Variants in MATK observed in about 807,000 individuals in gnomAD.
The protein encoded by MATK is megakaryocyte-associated tyrosine kinase, also known as megakaryocyte-associated tyrosine-protein kinase.
A neutral mutation model predicts 59.8 loss-of-function variants in MATK; 41 were observed. That is an observed-to-expected ratio of 0.69 (90% CI 0.53 to 0.89). The LOEUF is 0.89. Ranked by LOEUF, MATK falls within the 40% of genes least tolerant of loss-of-function variation. The pLI is 0.00. For synonymous variants in MATK, 308 were observed against 306.1 expected (o/e 1.01, Z -0.06); for missense variants, 593 against 719.6 (o/e 0.82, Z 2.01).
chr19:3,781,019 G>A (rs1383944744), intron 8 of MATK, among the ~76,000 whole-genome samples: 8 of 152,106 alleles, frequency 5.3e-5, no homozygotes, highest in Non-Finnish European at 8.8e-5. Flanking sequence ...ATGAGCCACC[G>A]TGCCTGGCTG....
intron 1 of MATK, among the ~76,000 whole-genome samples, chr19:3,794,842 T>A (rs2037577683): frequency 6.6e-6 from 1 of 152,016 alleles, no homozygotes; most frequent in African/African-American, 2.4e-5. Flanking sequence ...CTGGTCTCTG[T>A]CCCAACTACT....
chr19:3,796,122 T>C (rs913283915), intron 1 of MATK, among the ~76,000 whole-genome samples: 71 of 152,034 alleles, frequency 4.7e-4, no homozygotes, highest in African/African-American at 1.6e-3. Flanking sequence ...TCAAGAAGTG[T>C]TTAAAAAAAT....
At chr19:3,800,090 C>T (rs1448799804) in intron 1 of MATK, among the ~76,000 whole-genome samples, 2 of 146,798 alleles carry the variant, frequency 1.4e-5, no homozygotes, top group East Asian at 2.0e-4. Flanking sequence ...TGCAGTGAGC[C>T]GAGATTGTGC....
At position 3,778,396 on chromosome 19, in the gene MATK, C is replaced by T. The variant is rs368165835; in HGVS notation, c.1311G>A (p.Val437=). ...GGGGTTCCATGCGGTACCCCTTCTCCACGGCCTCCGACACCTCTTTCAGTG... is the reference window on the plus strand; with the variant it reads ...GGGGTTCCATGCGGTACCCCTTCTCTACGGCCTCCGACACCTCTTTCAGTG... ...KMSLKEVSEA[V]EKGYRMEPPE... The change falls in exon 14 of 14, where the codon GTG becomes GTA. Residue 437 remains valine, a synonymous_variant. Transcript: ENST00000310132. 28 of 1,612,250 alleles carry T rather than the reference C, an allele frequency of 1.7e-5. No homozygotes were observed. In the African/African-American group the frequency reaches 2.9e-4, roughly 17 times the overall value.
At chr19:3,794,537 C>T (rs530616557) in intron 1 of MATK, among the ~76,000 whole-genome samples, 1 of 152,192 alleles carries the variant, frequency 6.6e-6, no homozygotes, top group South Asian at 2.1e-4. Flanking sequence ...TGCCTGTAGT[C>T]CCAGCCACTC....
At chr19:3,791,282 C>A (rs147345353), upstream of MATK, among the ~76,000 whole-genome samples, 5 of 151,902 alleles carry the variant, frequency 3.3e-5, no homozygotes, top group African/African-American at 1.2e-4. Flanking sequence ...CTGAGTCAGG[C>A]GGCACCAGGC....
At chr19:3,797,552 T>G (rs1008227076) in intron 1 of MATK, among the ~76,000 whole-genome samples, 4 of 151,954 alleles carry the variant, frequency 2.6e-5, no homozygotes, top group Admixed American at 1.3e-4. Flanking sequence ...TCCTGGAGTG[T>G]TGGGATTACA....
rs907286404 is a variant in MATK, at chr19:3,778,182, G to C, written c.*1C>G. 1.9e-6 allele frequency: 3 copies of C among 1,553,642 alleles called. No individual in the cohort carries two copies. The African/African-American group carries it at 4.1e-5, about 21-fold the overall frequency. The stretch of plus-strand genomic sequence containing the variant: ...GGGGCCAAGGGCCCCACCGGGTGGG[G>C]TCAGGGCTCCTGGCTTCGGGGCGAG... On this transcript the variant is annotated 3_prime_UTR_variant, in exon 14 of 14. Coordinates refer to ENST00000310132, the MANE Select transcript of MATK (RefSeq NM_139355.3).
At chr19:3,779,939 C>T (rs902668151) in intron 8 of MATK, 142 bp from the exon 9 acceptor site, 3 of 649,498 alleles carry the variant, frequency 4.6e-6, no homozygotes, top group African/African-American at 3.6e-5. Context: ...AACACAGACC[C>T]CATGCTCCTC....
chr19:3,792,064 C>T (rs1008317855), intron 1 of MATK, among the ~76,000 whole-genome samples: 2 of 150,844 alleles, frequency 1.3e-5, no homozygotes, highest in South Asian at 2.1e-4. Flanking sequence ...GCCAAGATCG[C>T]ACCACTATAG....
chr19:3,778,696 G>A (rs1163775287), intron 12 of MATK, 101 bp from the exon 13 acceptor site: 18 of 1,320,884 alleles, frequency 1.4e-5, no homozygotes, highest in Non-Finnish European at 1.9e-5. Flanking sequence ...TCACTCTCTG[G>A]TCTTCTCCTA....
chr19:3,791,728 AC>A (rs1048017751), intron 1 of MATK, among the ~76,000 whole-genome samples: 2 of 150,620 alleles, frequency 1.3e-5, no homozygotes, highest in Admixed American at 6.6e-5. Context: ...CCTCCCATAG[AC>A]CCCCCTCTGG....
At position 3,784,429 on chromosome 19, in the gene MATK, T is replaced by C; in HGVS notation, c.155A>G (p.Gln52Arg). The C allele has an allele frequency of 1.9e-6, 3 of 1,600,750 alleles. No homozygotes were observed. ...MPTRRWAPGT[Q>R]CITKCEHTRP... ...GGTGTGCTCGCATTTGGTGATACAC[T>C]GGGTGCCCGGGGCCCAGCGCCTCTG... The change falls in exon 4 of 14, where the codon CAG becomes CGG. Residue 52 changes from glutamine (Q) to arginine (R), a missense_variant. Physicochemically the swap from Gln to Arg is conservative, Grantham distance 43. Coordinates refer to ENST00000310132, the MANE Select transcript of MATK (RefSeq NM_139355.3).
intron 1 of MATK, among the ~76,000 whole-genome samples, chr19:3,800,141 CAAA>C (rs1219497192): frequency 1.2e-5 from 1 of 85,526 alleles, no homozygotes; most frequent in South Asian, 4.1e-4. Context: ...GACTCCGTCT[CAAA>C]AAAAAAAAAA....
In MATK at chr19:3,778,439, T is replaced by A; in HGVS notation, c.1285-17A>T. ...TTTCAGTGACTGCGGACAGCAGGCG[T>A]GGGCAGGGGTCAGGGCCACAGCCTC... On this transcript the variant is annotated splice_polypyrimidine_tract_variant and intron_variant, in intron 13 of 13. Transcript: ENST00000310132. 5.0e-6 allele frequency: 8 copies of A among 1,613,370 alleles called. No individual in the cohort carries two copies. The highest frequency in any genetic ancestry group is 6.8e-6 in the Non-Finnish European group (8 of 1,179,922).
chr19:3,778,948 G>A, intron 12 of MATK, 44 bp downstream of exon 12: 1 of 1,492,676 alleles, frequency 6.7e-7, no homozygotes, highest in Non-Finnish European at 8.9e-7. Flanking sequence ...CAGCAGAGCT[G>A]GGGGGACCCC....
At chr19:3,783,094 GA>G (rs1358703570) in intron 7 of MATK, 31 bp downstream of exon 7, 1 of 1,607,520 alleles carries the variant, frequency 6.2e-7, no homozygotes, top group Non-Finnish European at 8.5e-7. Context: ...CGTGGGTAGG[GA>G]AGGGGGTCTG....
chr19:3,784,981 C>T, intron 2 of MATK, 83 bp downstream of exon 2: 2 of 1,456,146 alleles, frequency 1.4e-6, no homozygotes, highest in Non-Finnish European at 1.9e-6. Flanking sequence ...GATGGCTGGG[C>T]AGGCAGAGAG....
In MATK at chr19:3,781,613, ACT is replaced by A; in HGVS notation, c.734_735del (p.Glu245ValfsTer8). The part of the protein sequence containing the change: ...LTLGAQIGEG[E>X]FGAVLQGEYL... ...AACCCAGTCCGCCACTCACCTCCAA[ACT>A]CTCCCTCTCCGATCTGTGCTCCCAA... On this transcript the variant is annotated frameshift_variant, in exon 8 of 14. Coordinates refer to ENST00000310132, the MANE Select transcript of MATK (RefSeq NM_139355.3). LOFTEE classifies it high-confidence loss of function. 1 of 1,613,154 alleles carries A rather than the reference ACT, an allele frequency of 6.2e-7. No individual in the cohort carries two copies. Among genetic ancestry groups the A allele is most frequent in the Non-Finnish European group, 8.5e-7 (1 of 1,179,764 alleles).
Sources: gnomAD v4.1 joint callset for allele counts (sites outside exome capture counted in the v4.1 genomes callset) on GRCh38, gnomAD v4.1.1 for gene constraint, MANE v1.5 for transcripts, NCBI Gene and HGNC (gene_info 2026-07-23, HGNC 2026-07-21) for gene names.